Variants in TANC2 observed in about 807,000 individuals in gnomAD.
The protein encoded by TANC2 is protein TANC2.
TANC2 carries 26 observed loss-of-function variants against 210.5 expected under a neutral mutation model. That is an observed-to-expected ratio of 0.12 (90% CI 0.09 to 0.17). The LOEUF (loss-of-function observed/expected upper bound fraction) is 0.17, where lower values mean the gene tolerates loss of function less well. Ranked by LOEUF, TANC2 falls within the 10% of genes least tolerant of loss-of-function variation. The pLI is 1.00. For synonymous variants in TANC2, 931 were observed against 967.1 expected, an observed-to-expected ratio of 0.96 and a Z score of 0.69; for missense variants, 2,129 against 2,608.9, an observed-to-expected ratio of 0.82 and a Z score of 4.01.
At chr17:63,419,897 C>T (rs966739066) in intron 27 of TANC2, 102 bp from the exon 28 acceptor site, 52 of 1,351,056 alleles carry the variant, frequency 3.8e-5, no homozygotes, top group African/African-American at 2.9e-4. Flanking sequence ...CTCCCACAGA[C>T]GCCACCACAG....
At chr17:63,154,996 T>C (rs1250759816) in intron 5 of TANC2, 1 of 152,084 alleles carries the variant, frequency 6.6e-6, no homozygotes, top group African/African-American at 2.4e-5. Flanking sequence ...GGGGAGACTT[T>C]GAATTATTGG....
At chr17:62,997,311 A>ATTT (rs953489437) in intron 1 of TANC2, among the ~76,000 whole-genome samples, 3 of 151,996 alleles carry the variant, frequency 2.0e-5, no homozygotes, top group African/African-American at 7.3e-5. Flanking sequence ...CATCGTGTGC[A>ATTT]TTATTAACCC....
chr17:63,069,870 A>G (rs1249703405), intron 2 of TANC2, among the ~76,000 whole-genome samples: 1 of 152,128 alleles, frequency 6.6e-6, no homozygotes, highest in East Asian at 1.9e-4. Flanking sequence ...TAGGTCCTCT[A>G]CAGAGGACTG....
At chr17:63,026,210 C>G (rs2034548528) in intron 2 of TANC2, among the ~76,000 whole-genome samples, 1 of 152,098 alleles carries the variant, frequency 6.6e-6, no homozygotes, top group South Asian at 2.1e-4. Flanking sequence ...CATTATTCAT[C>G]TTATATGTCT....
chr17:63,308,058 C>G (rs2044985054), intron 9 of TANC2, among the ~76,000 whole-genome samples: 1 of 152,104 alleles, frequency 6.6e-6, no homozygotes, highest in African/African-American at 2.4e-5. Flanking sequence ...AGCCACGGTG[C>G]CCAGCCTGTA....
intron 14 of TANC2, among the ~76,000 whole-genome samples, chr17:63,371,326 CG>C (rs1312514379): frequency 6.6e-6 from 1 of 151,990 alleles, no homozygotes; most frequent in Non-Finnish European, 1.5e-5. Flanking sequence ...ATGAGCCAGG[CG>C]TGGTGGCGTG....
intron 5 of TANC2, among the ~76,000 whole-genome samples, chr17:63,166,671 T>A (rs1353180384): frequency 6.6e-6 from 1 of 152,194 alleles, no homozygotes; most frequent in African/African-American, 2.4e-5. Context: ...TTGGTTGAAT[T>A]TCTCATTAAT....
At chr17:63,380,152 A>G (rs1279999412) in intron 15 of TANC2, among the ~76,000 whole-genome samples, 1 of 152,226 alleles carries the variant, frequency 6.6e-6, no homozygotes, top group African/African-American at 2.4e-5. Context: ...GCAGGTTTTC[A>G]TGATGTCTAA....
At chr17:62,974,700 T>C (rs145079169) in intron 1 of TANC2, among the ~76,000 whole-genome samples, 2 of 152,312 alleles carry the variant, frequency 1.3e-5, no homozygotes, top group African/African-American at 4.8e-5. Context: ...GGGAAAAATA[T>C]AGTTCAAAAA....
chr17:63,107,296 G>A (rs1048280307), intron 4 of TANC2, among the ~76,000 whole-genome samples: 1 of 151,482 alleles, frequency 6.6e-6, no homozygotes, highest in Non-Finnish European at 1.5e-5. Context: ...TTGAGAGGAA[G>A]CTTACAAATA....
intron 10 of TANC2, among the ~76,000 whole-genome samples, chr17:63,315,378 G>C (rs979640141): frequency 6.6e-6 from 1 of 152,190 alleles, no homozygotes; most frequent in East Asian, 1.9e-4. Flanking sequence ...GAGAGGTTAA[G>C]TAAGTTCTGC....
At chr17:63,352,978 A>G (rs1430251839) in intron 13 of TANC2, among the ~76,000 whole-genome samples, 1 of 152,176 alleles carries the variant, frequency 6.6e-6, no homozygotes, top group African/African-American at 2.4e-5. Flanking sequence ...AGTGCTATGA[A>G]GAAAAACAAA....
At chr17:63,023,246 A>G (rs1323230254) in intron 2 of TANC2, among the ~76,000 whole-genome samples, 1 of 152,234 alleles carries the variant, frequency 6.6e-6, no homozygotes, top group South Asian at 2.1e-4. Flanking sequence ...AGCCCAGCAA[A>G]GTCATGGGAG....
chr17:63,376,365 A>G (rs763323048), intron 14 of TANC2, among the ~76,000 whole-genome samples: 1 of 152,002 alleles, frequency 6.6e-6, no homozygotes, highest in Non-Finnish European at 1.5e-5. Context: ...AGGTAATTGA[A>G]TCATAGGGGC....
chr17:63,049,967 C>T (rs2144368583), intron 2 of TANC2, among the ~76,000 whole-genome samples: 1 of 152,214 alleles, frequency 6.6e-6, no homozygotes, highest in East Asian at 1.9e-4. Context: ...AAAGGAGTTG[C>T]TGTTTACAGA....
intron 9 of TANC2, among the ~76,000 whole-genome samples, 188 bp downstream of exon 9, chr17:63,268,061 T>C (rs2043583205): frequency 6.6e-6 from 1 of 152,190 alleles, no homozygotes; most frequent in South Asian, 2.1e-4. Context: ...TACATTGTAC[T>C]CCTCATAGAC....
At chr17:63,147,605 T>A (rs996721720) in intron 4 of TANC2, among the ~76,000 whole-genome samples, 13 of 152,196 alleles carry the variant, frequency 8.5e-5, no homozygotes, top group Non-Finnish European at 1.8e-4. Context: ...CCAGCTTATC[T>A]GGGGTGAGGC....
chr17:63,140,152 A>G (rs181274595), intron 4 of TANC2, among the ~76,000 whole-genome samples: 1 of 152,318 alleles, frequency 6.6e-6, no homozygotes, highest in Non-Finnish European at 1.5e-5. Flanking sequence ...GGCTACTTAA[A>G]CCTTCAAATG....
At chr17:63,170,636 A>C (rs1043438287) in intron 5 of TANC2, among the ~76,000 whole-genome samples, 1 of 152,188 alleles carries the variant, frequency 6.6e-6, no homozygotes, top group Non-Finnish European at 1.5e-5. Flanking sequence ...GAAGCTAGAC[A>C]GGAGTAGACT....
Sources: allele counts gnomAD v4.1 joint callset (sites outside exome capture counted in the v4.1 genomes callset), GRCh38; gene constraint gnomAD v4.1.1; transcripts MANE v1.5; gene names NCBI Gene and HGNC (gene_info 2026-07-23, HGNC 2026-07-21).